Variants in DENND1A observed in about 807,000 individuals in gnomAD.
DENND1A encodes the protein DENN domain-containing protein 1A.
A neutral mutation model predicts 113.7 loss-of-function variants in DENND1A; 51 were observed. The ratio of observed to expected loss-of-function variants is 0.45; its 90% confidence interval spans 0.36 to 0.57. The LOEUF (loss-of-function observed/expected upper bound fraction) is 0.57. Ranked by LOEUF, DENND1A falls within the 20% of genes least tolerant of loss-of-function variation. The probability of loss-of-function intolerance (pLI) is 0.00; values close to 1 mark genes in which losing one functional copy is unlikely to be tolerated. For synonymous variants in DENND1A, 565 were observed against 570.8 expected (o/e 0.99, Z 0.14); for missense variants, 1,258 against 1,395.9 (o/e 0.90, Z 1.57).
At chr9:123,597,166 C>T (rs2059733336) in intron 11 of DENND1A, among the ~76,000 whole-genome samples, 1 of 152,204 alleles carries the variant, frequency 6.6e-6, no homozygotes, top group Non-Finnish European at 1.5e-5. Context: ...CTCCCATCTC[C>T]ACCTGCCTTT....
intron 5 of DENND1A, among the ~76,000 whole-genome samples, chr9:123,686,454 C>T (rs2140299218): frequency 6.6e-6 from 1 of 152,326 alleles, no homozygotes; most frequent in East Asian, 1.9e-4. Context: ...TAAAGGAAAG[C>T]TTGCCTCCAA....
chr9:123,544,814 A>G (rs2056541458), intron 13 of DENND1A, among the ~76,000 whole-genome samples: 1 of 152,168 alleles, frequency 6.6e-6, no homozygotes, highest in African/African-American at 2.4e-5. Flanking sequence ...AATAAGAACT[A>G]TGTGCCAGGC....
intron 12 of DENND1A, among the ~76,000 whole-genome samples, chr9:123,570,983 A>G (rs968507586): frequency 6.6e-6 from 1 of 152,210 alleles, no homozygotes. Context: ...CAAAATCCAT[A>G]GCTAGGGAAC....
chr9:123,477,184 C>CCATTAGGT (rs2049982259), intron 13 of DENND1A, among the ~76,000 whole-genome samples: 1 of 152,190 alleles, frequency 6.6e-6, no homozygotes, highest in South Asian at 2.1e-4. Flanking sequence ...CCTTTATCTC[C>CCATTAGGT]TGCTGCAACC....
chr9:123,621,998 C>A (rs2060987389), intron 10 of DENND1A, among the ~76,000 whole-genome samples: 1 of 152,210 alleles, frequency 6.6e-6, no homozygotes, highest in South Asian at 2.1e-4. Context: ...CTGAAACTAG[C>A]ATCTCTCAGA....
chr9:123,559,842 T>C (rs2057635894), intron 12 of DENND1A, among the ~76,000 whole-genome samples: 1 of 152,162 alleles, frequency 6.6e-6, no homozygotes, highest in Admixed American at 6.5e-5. Flanking sequence ...CCTATCAATT[T>C]TTCCCCCACA....
intron 13 of DENND1A, among the ~76,000 whole-genome samples, chr9:123,484,754 C>T (rs373050477): frequency 2.0e-5 from 3 of 152,162 alleles, no homozygotes; most frequent in Non-Finnish European, 2.9e-5. Flanking sequence ...CTAACCTCAC[C>T]GTGTCCTGCA....
In DENND1A at chr9:123,929,933, G is replaced by C. The variant is rs1335719459; in HGVS notation, c.-28C>G. ...TCCCCAGGCCTCCTCATGGGCCCGC[G>C]GGCCCCGCTCGGCGCTGCGCTGCCC... On this transcript the variant is annotated 5_prime_UTR_variant, in exon 1 of 24. Coordinates refer to ENST00000394215, the MANE Select transcript of DENND1A (RefSeq NM_001352964.2). The C allele has an allele frequency of 3.1e-6, 1 of 324,864 alleles. No homozygotes were observed. The highest frequency in any genetic ancestry group is 5.7e-6 in the Non-Finnish European group (1 of 175,168). 20.1% of individuals were successfully genotyped at this position (324,864 alleles called of 1,614,324 possible). A position where few individuals can be genotyped will look rare whatever the true frequency, so the allele number is the denominator to read the frequency against.
chr9:123,829,701 A>C (rs1454578260), intron 2 of DENND1A, among the ~76,000 whole-genome samples: 1 of 152,152 alleles, frequency 6.6e-6, no homozygotes, highest in Non-Finnish European at 1.5e-5. Context: ...AGGTATAATA[A>C]CTATTAAATA....
At position 123,552,223 on chromosome 9, in the gene DENND1A, A is replaced by C. The variant is rs1015069685; in HGVS notation, c.993+5347T>G. On this transcript the variant is annotated intron_variant, in intron 13 of 23. Coordinates refer to ENST00000394215, the MANE Select transcript of DENND1A (RefSeq NM_001352964.2). ...GGCCACGGACTGGAGCTGTCCCCCA[A>C]CGGGCTCCAGACTGGCAGGGTCCTC... Among the ~76,000 whole-genome samples, 3 of 151,802 alleles carry C rather than the reference A, an allele frequency of 2.0e-5. No homozygotes were observed. The East Asian group carries it at 5.9e-4, about 30-fold the overall frequency.
chr9:123,838,519 C>A (rs1841373639), intron 2 of DENND1A, among the ~76,000 whole-genome samples: 2 of 152,100 alleles, frequency 1.3e-5, no homozygotes, highest in African/African-American at 4.8e-5. Context: ...AGTGCTTTAA[C>A]TGAATCCTTA....
At chr9:123,922,241 CCTTTT>C (rs766073784) in intron 1 of DENND1A, among the ~76,000 whole-genome samples, 2 of 152,094 alleles carry the variant, frequency 1.3e-5, no homozygotes, top group Non-Finnish European at 2.9e-5. Flanking sequence ...GCCTGTCATT[CCTTTT>C]CTTTACACTG....
chr9:123,888,245 G>C (rs560372982), intron 1 of DENND1A, among the ~76,000 whole-genome samples: 1 of 152,310 alleles, frequency 6.6e-6, no homozygotes, highest in South Asian at 2.1e-4. Context: ...ACGGGAGCAA[G>C]CCTGAAAGGG....
chr9:123,394,827 C>T (rs1044586077), intron 21 of DENND1A, among the ~76,000 whole-genome samples: 3 of 152,184 alleles, frequency 2.0e-5, no homozygotes, highest in Non-Finnish European at 4.4e-5. Flanking sequence ...AACACCTGCC[C>T]CTCACCCTGA....
intron 12 of DENND1A, among the ~76,000 whole-genome samples, chr9:123,558,333 T>C (rs1163451087): frequency 6.6e-6 from 1 of 152,176 alleles, no homozygotes; most frequent in Admixed American, 6.5e-5. Context: ...TACTTACAAA[T>C]GTTAGAATAA....
intron 2 of DENND1A, among the ~76,000 whole-genome samples, chr9:123,827,391 T>C (rs898815241): frequency 8.4e-6 from 1 of 119,034 alleles, no homozygotes; most frequent in African/African-American, 4.1e-5. Flanking sequence ...AATGGATATA[T>C]AATATATATA....
At position 123,411,947 on chromosome 9, in the gene DENND1A, G is replaced by A. The variant is rs141379633; in HGVS notation, c.1489-118C>T. On this transcript the variant is annotated intron_variant, in intron 19 of 23. Transcript: ENST00000394215. Reference sequence around the variant, plus strand: ...AAGCCAGAGCCAGAGGGCCAACCTCGACGCCTCCTGCCTCGCCCCCACTGT... The same window carrying A: ...AAGCCAGAGCCAGAGGGCCAACCTCAACGCCTCCTGCCTCGCCCCCACTGT... 12 of 531,890 alleles carry A rather than the reference G, an allele frequency of 2.3e-5. 1 individual carries two copies. The East Asian group carries it at 1.8e-3, about 81-fold the overall frequency. The allele number at this position is 531,890 out of a possible 1,614,324, so 32.9% of individuals were successfully genotyped here.
At chr9:123,612,744 C>A in intron 10 of DENND1A, among the ~76,000 whole-genome samples, 1 of 152,042 alleles carries the variant, frequency 6.6e-6, no homozygotes, top group East Asian at 1.9e-4. Flanking sequence ...TCCTAGACAC[C>A]GAATTACTAA....
chr9:123,465,678 T>C (rs1384103634), intron 13 of DENND1A, among the ~76,000 whole-genome samples: 3 of 152,184 alleles, frequency 2.0e-5, no homozygotes, highest in Non-Finnish European at 4.4e-5. Flanking sequence ...ATAAAATAAA[T>C]ATGCAGGAAA....
Sources: allele counts gnomAD v4.1 joint callset (sites outside exome capture counted in the v4.1 genomes callset), GRCh38; gene constraint gnomAD v4.1.1; transcripts MANE v1.5; gene names NCBI Gene and HGNC (gene_info 2026-07-23, HGNC 2026-07-21).